Variants in CSMD3 observed in about 807,000 individuals in gnomAD.
The protein encoded by CSMD3 is CUB and sushi domain-containing protein 3.
In CSMD3, 177 loss-of-function variants were observed where a neutral mutation model predicts 435.2. The ratio of observed to expected loss-of-function variants is 0.41; its 90% confidence interval spans 0.36 to 0.46. The LOEUF (loss-of-function observed/expected upper bound fraction) is 0.46. Among genes scored for constraint, CSMD3 ranks in the 20% least tolerant of loss-of-function variants. The pLI, the probability that CSMD3 is intolerant of heterozygous loss-of-function variation, is 0.34. For missense variants in CSMD3, 4,265 were observed against 4,504.6 expected (o/e 0.95, Z 1.52); for synonymous variants, 1,656 against 1,520.5 (o/e 1.09, Z -2.07).
chr8:112,376,801 GT>G (rs1828985133), intron 38 of CSMD3, among the ~76,000 whole-genome samples: 2 of 152,078 alleles, frequency 1.3e-5, no homozygotes, highest in African/African-American at 4.8e-5. Context: ...TATTTTAATT[GT>G]TTGGTAAGTT....
chr8:113,037,688 T>A (rs2087420443), intron 5 of CSMD3, among the ~76,000 whole-genome samples: 1 of 152,144 alleles, frequency 6.6e-6, no homozygotes, highest in African/African-American at 2.4e-5. Flanking sequence ...ATTTTCACTA[T>A]GCATCAATAT....
chr8:112,413,851 C>T (rs1586245492), intron 32 of CSMD3, among the ~76,000 whole-genome samples: 1 of 152,158 alleles, frequency 6.6e-6, no homozygotes, highest in African/African-American at 2.4e-5. Flanking sequence ...TATTTTACTT[C>T]TGTGTCTGTC....
Position 113,285,627 on chromosome 8 carries a change from G to A in CSMD3, c.402-6923C>T, listed in dbSNP as rs1038759526. ...GATATTTCCCGACTGGGAAAACTAA[G>A]TAAGATTAGTAAACATTTAAATATA... On this transcript the variant is annotated intron_variant, in intron 2 of 70. Transcript: ENST00000297405. Among the ~76,000 whole-genome samples, 13 of 152,258 alleles carry A rather than the reference G, an allele frequency of 8.5e-5. No homozygotes were observed. In the East Asian group the frequency reaches 2.5e-3, roughly 29 times the overall value.
intron 27 of CSMD3, among the ~76,000 whole-genome samples, chr8:112,520,892 T>C (rs1409451831): frequency 1.3e-5 from 2 of 151,940 alleles, no homozygotes; most frequent in Non-Finnish European, 2.9e-5. Flanking sequence ...ATAGAAGCAC[T>C]CTCTTCTTAA....
intron 5 of CSMD3, among the ~76,000 whole-genome samples, chr8:113,035,574 T>C (rs569790887): frequency 2.6e-4 from 39 of 152,150 alleles, no homozygotes; most frequent in African/African-American, 9.1e-4. Flanking sequence ...TGCAGCTATA[T>C]GATTGTATAT....
intron 4 of CSMD3, among the ~76,000 whole-genome samples, chr8:113,150,061 T>C (rs1458515972): frequency 1.3e-5 from 2 of 151,904 alleles, no homozygotes; most frequent in African/African-American, 4.8e-5. Context: ...TAATATTTAG[T>C]GGTGGCACTG....
intron 13 of CSMD3, among the ~76,000 whole-genome samples, chr8:112,697,253 T>G (rs1316380494): frequency 6.6e-6 from 1 of 152,230 alleles, no homozygotes. Context: ...TTATAAATCA[T>G]GCTGCTATAA....
Position 112,550,793 on chromosome 8 carries a change from A to G in CSMD3, c.4442T>C (p.Leu1481Pro), listed in dbSNP as rs1364808293. Residue 1481 changes from leucine to proline, a missense_variant, in exon 27 of 71, where the codon CTT becomes CCT. By Grantham distance (98) the Leu-to-Pro change is moderately conservative. Transcript: ENST00000297405. ...VWDGPPENDM[L>P]LKEISGSLIP... ...AAGAGATCCACTAATTTCCTTTAAA[A>G]GCATATCATTTTCTGGTGGACCGTC... The G allele has an allele frequency of 6.2e-6, 10 of 1,610,196 alleles. No individual in the cohort carries two copies. The South Asian group carries it at 1.1e-4, about 18-fold the overall frequency.
At chr8:113,416,254 TTTCTC>T (rs1243344906) in intron 1 of CSMD3, among the ~76,000 whole-genome samples, 1 of 152,062 alleles carries the variant, frequency 6.6e-6, no homozygotes, top group African/African-American at 2.4e-5. Flanking sequence ...TGTGAAAAAT[TTTCTC>T]TTCTCCCTTT....
chr8:112,686,657 T>C (rs2076019217), intron 14 of CSMD3, among the ~76,000 whole-genome samples: 1 of 151,944 alleles, frequency 6.6e-6, no homozygotes, highest in African/African-American at 2.4e-5. Context: ...AGCTAATTTT[T>C]GTATTTTTAG....
At chr8:112,267,523 A>ATTATT (rs1563713199) in intron 59 of CSMD3, among the ~76,000 whole-genome samples, 1 of 152,036 alleles carries the variant, frequency 6.6e-6, no homozygotes, top group African/African-American at 2.4e-5. Context: ...CCTTCAATTT[A>ATTATT]TTATTTTATT....
intron 16 of CSMD3, among the ~76,000 whole-genome samples, chr8:112,673,369 AT>A (rs2075700727): frequency 6.6e-6 from 1 of 152,042 alleles, no homozygotes; most frequent in Non-Finnish European, 1.5e-5. Flanking sequence ...AACTACTTCT[AT>A]CCCTCCCTGT....
At position 112,318,956 on chromosome 8, in the gene CSMD3, A is replaced by G; in HGVS notation, c.7247-6T>C. ...CTGATACCTAATAATATCACCTATT[A>G]AACAAAAGAGGGGAGGTTTCATATA... On this transcript the variant is annotated splice_region_variant and splice_polypyrimidine_tract_variant and intron_variant, in intron 46 of 70. Coordinates refer to ENST00000297405, the MANE Select transcript of CSMD3 (RefSeq NM_198123.2). 6.5e-7 allele frequency: 1 copy of G among 1,537,584 alleles called. No homozygotes were observed. The highest frequency in any genetic ancestry group is 9.0e-7 in the Non-Finnish European group (1 of 1,112,694).
intron 65 of CSMD3, among the ~76,000 whole-genome samples, chr8:112,243,009 G>A (rs938322067): frequency 1.3e-5 from 2 of 151,978 alleles, no homozygotes; most frequent in African/African-American, 4.8e-5. Context: ...AGAATTAGGA[G>A]GGAGTAAAAC....
intron 65 of CSMD3, among the ~76,000 whole-genome samples, chr8:112,243,307 A>G (rs944501265): frequency 4.6e-5 from 7 of 152,170 alleles, no homozygotes; most frequent in African/African-American, 1.4e-4. Context: ...CAAGTAAAAG[A>G]AAGTAATTGT....
rs372896328 is a variant in CSMD3 at position 113,322,085 on chromosome 8, T to C, written c.179-7292A>G. Reference sequence around the variant, plus strand: ...TTAATAATTACAAACTGAAAACCTATGTTACCAGTAGGTATATCCAAAACT... The same window carrying C: ...TTAATAATTACAAACTGAAAACCTACGTTACCAGTAGGTATATCCAAAACT... On this transcript the variant is annotated intron_variant, in intron 1 of 70. Coordinates refer to ENST00000297405, the MANE Select transcript of CSMD3 (RefSeq NM_198123.2). 1.1e-4 allele frequency among the ~76,000 whole-genome samples: 17 copies of C among 152,300 alleles called. No homozygotes were observed. In the East Asian group the frequency reaches 1.4e-3, roughly 12 times the overall value.
chr8:113,051,267 C>A (rs1587970330), intron 5 of CSMD3, among the ~76,000 whole-genome samples: 1 of 152,148 alleles, frequency 6.6e-6, no homozygotes, highest in African/African-American at 2.4e-5. Flanking sequence ...CCAGTGAGAA[C>A]AACACATAGT....
At chr8:112,951,637 A>G (rs1003089559) in intron 8 of CSMD3, among the ~76,000 whole-genome samples, 3 of 151,998 alleles carry the variant, frequency 2.0e-5, no homozygotes, top group African/African-American at 7.2e-5. Context: ...TAACTAATTT[A>G]GCTTCCCTAT....
chr8:112,713,874 T>G (rs2076666284), intron 13 of CSMD3, among the ~76,000 whole-genome samples: 1 of 152,130 alleles, frequency 6.6e-6, no homozygotes, highest in African/African-American at 2.4e-5. Flanking sequence ...AAGCAAAGGC[T>G]GAGAGATTTT....
Sources: allele counts gnomAD v4.1 joint callset (sites outside exome capture counted in the v4.1 genomes callset), GRCh38; gene constraint gnomAD v4.1.1; transcripts MANE v1.5; gene names NCBI Gene and HGNC (gene_info 2026-07-23, HGNC 2026-07-21).